Variants in CYP2J2 observed in about 807,000 individuals in gnomAD.
CYP2J2 encodes cytochrome P450 family 2 subfamily J member 2.
Under a neutral mutation model 48.8 loss-of-function variants are expected in CYP2J2, and 41 were observed. The ratio of observed to expected loss-of-function variants is 0.84; its 90% confidence interval spans 0.66 to 1.09. The LOEUF (loss-of-function observed/expected upper bound fraction) is 1.09. Ranked by LOEUF, CYP2J2 falls within the 50% of genes least tolerant of loss-of-function variation. The probability of loss-of-function intolerance (pLI) is 0.00; values close to 1 mark genes in which losing one functional copy is unlikely to be tolerated. For missense variants in CYP2J2, 644 were observed against 617.3 expected, an observed-to-expected ratio of 1.04 and a Z score of -0.46; for synonymous variants, 221 against 227.1, an observed-to-expected ratio of 0.97 and a Z score of 0.24.
At chr1:59,910,062 C>T (rs1341074247) in intron 4 of CYP2J2, 102 bp from the exon 5 acceptor site, 4 of 898,944 alleles carry the variant, frequency 4.4e-6, no homozygotes, top group Non-Finnish European at 6.8e-6. Flanking sequence ...TTTATTTGCT[C>T]ACACTTAAAC....
chr1:59,933,702 A>G, the CYP2J2 span, among the ~76,000 whole-genome samples: 1 of 152,294 alleles, frequency 6.6e-6, no homozygotes, highest in African/African-American at 2.4e-5. Context: ...TGTGCATTGA[A>G]AACTGCAAGA....
chr1:59,953,223 C>G, the CYP2J2 span, among the ~76,000 whole-genome samples: 1 of 152,138 alleles, frequency 6.6e-6, no homozygotes, highest in Admixed American at 6.6e-5. Flanking sequence ...AAGTCCTCAG[C>G]ACCTGTCTAA....
chr1:59,957,261 G>A, the CYP2J2 span, among the ~76,000 whole-genome samples: 1 of 151,480 alleles, frequency 6.6e-6, no homozygotes, highest in African/African-American at 2.4e-5. Flanking sequence ...CTGCAGAAGG[G>A]AAATGGCAGC....
In CYP2J2 at chr1:59,916,071, GC is replaced by G. The variant is rs1481873733; in HGVS notation, c.239del (p.Ser80ThrfsTer17). On this transcript the variant is annotated frameshift_variant, in exon 2 of 9. Coordinates refer to ENST00000371204, the MANE Select transcript of CYP2J2 (RefSeq NM_000775.4). LOFTEE classifies it high-confidence loss of function. ...CTGCAGATATGTCACCAAGCTCCAA[GC>G]TAAAAAGGTTCCCATATTTCTTCAC... is the stretch of plus-strand genomic sequence containing the variant. ...LFVKKYGNLF[S>X]LELGDISAVL... 3.7e-6 allele frequency: 6 copies of G among 1,610,668 alleles called. No homozygotes were observed. The highest frequency in any genetic ancestry group is 5.1e-6 in the Non-Finnish European group (6 of 1,178,894).
At chr1:59,894,107 G>A (rs1644248438) in intron 8 of CYP2J2, among the ~76,000 whole-genome samples, 2 of 152,110 alleles carry the variant, frequency 1.3e-5, no homozygotes, top group African/African-American at 4.8e-5. Flanking sequence ...AGAAGCGGAA[G>A]GCGTGGGCTG....
the CYP2J2 span, among the ~76,000 whole-genome samples, chr1:59,946,128 G>A: frequency 6.6e-6 from 1 of 152,102 alleles, no homozygotes; most frequent in Non-Finnish European, 1.5e-5. Flanking sequence ...CAAAGTAAAA[G>A]CCACCATCCT....
At position 59,911,675 on chromosome 1, in the gene CYP2J2, C is replaced by A. The variant is rs1328312377; in HGVS notation, c.617G>T (p.Ser206Ile). Residue 206 changes from serine to isoleucine, a missense_variant, in exon 4 of 9, where the codon AGT becomes ATT. By Grantham distance (142) the Ser-to-Ile change is moderately radical. Coordinates refer to ENST00000371204, the MANE Select transcript of CYP2J2 (RefSeq NM_000775.4). ...TFGERFEYQD[S>I]WFQQLLKLLD... is the part of the protein sequence containing the mutation. ...TAACTTCAGCAGCTGCTGAAACCAA[C>A]TATCCTGGTACTCAAAGCGTTCTCC... 2.5e-6 allele frequency: 4 copies of A among 1,613,638 alleles called. No homozygotes were observed. In the South Asian group the frequency reaches 3.3e-5, roughly 13 times the overall value.
intron 1 of CYP2J2, among the ~76,000 whole-genome samples, chr1:59,920,492 T>G (rs993688041): frequency 6.6e-6 from 1 of 152,004 alleles, no homozygotes; most frequent in African/African-American, 2.4e-5. Flanking sequence ...CAATAAAATA[T>G]TTGATGGGAG....
At chr1:59,930,688 A>T (rs1644598482), upstream of CYP2J2, among the ~76,000 whole-genome samples, 1 of 152,120 alleles carries the variant, frequency 6.6e-6, no homozygotes. Flanking sequence ...CTCCCTAAAA[A>T]AAAGTGTCAG....
At chr1:59,928,228 C>A (rs1644585114), upstream of CYP2J2, among the ~76,000 whole-genome samples, 1 of 152,118 alleles carries the variant, frequency 6.6e-6, no homozygotes, top group Non-Finnish European at 1.5e-5. Flanking sequence ...AGGGGAATGA[C>A]TTCCATAATG....
At chr1:59,899,240 A>G (rs1160669848) in intron 8 of CYP2J2, among the ~76,000 whole-genome samples, 1 of 152,262 alleles carries the variant, frequency 6.6e-6, no homozygotes, top group Non-Finnish European at 1.5e-5. Flanking sequence ...ACTTTGTGCT[A>G]TAATACAAAA....
intron 7 of CYP2J2, among the ~76,000 whole-genome samples, chr1:59,904,154 C>T (rs1243875607): frequency 6.6e-5 from 10 of 152,066 alleles, no homozygotes; most frequent in South Asian, 2.1e-4. Context: ...GGGTGGATCA[C>T]GAGGTCAAGA....
chr1:59,958,515 C>A, the CYP2J2 span, among the ~76,000 whole-genome samples: 1 of 134,906 alleles, frequency 7.4e-6, no homozygotes, highest in African/African-American at 3.3e-5. Context: ...GGCAGGGGTC[C>A]TTCTCATTGC....
At chr1:59,894,093 C>T (rs1233589278) in intron 8 of CYP2J2, among the ~76,000 whole-genome samples, 16 of 151,996 alleles carry the variant, frequency 1.1e-4, no homozygotes, top group Non-Finnish European at 7.4e-5. Context: ...GGGTGTAGGA[C>T]CATAGAAGCG....
upstream of CYP2J2, chr1:59,926,812 C>T (rs11572189): frequency 9.7e-5 from 138 of 1,417,928 alleles, 2 homozygotes; most frequent in African/African-American, 1.5e-3. Flanking sequence ...CGACGGTCCC[C>T]GCCCCGCCTC....
intron 2 of CYP2J2, among the ~76,000 whole-genome samples, chr1:59,913,460 T>C (rs1247333144): frequency 6.6e-6 from 1 of 152,188 alleles, no homozygotes; most frequent in East Asian, 1.9e-4. Context: ...GGCATATCCA[T>C]GATTGAACTC....
chr1:59,925,493 T>C (rs1405719337), intron 1 of CYP2J2, among the ~76,000 whole-genome samples: 1 of 152,156 alleles, frequency 6.6e-6, no homozygotes, highest in Non-Finnish European at 1.5e-5. Flanking sequence ...TTGACCACAA[T>C]GGAGTCAAAC....
chr1:59,894,163 T>C (rs1023022146), intron 8 of CYP2J2, among the ~76,000 whole-genome samples: 1 of 152,166 alleles, frequency 6.6e-6, no homozygotes. Flanking sequence ...AAAAATCATT[T>C]AACAAACGTG....
At chr1:59,941,583 T>A in the CYP2J2 span, among the ~76,000 whole-genome samples, 2 of 152,176 alleles carry the variant, frequency 1.3e-5, no homozygotes, top group African/African-American at 4.8e-5. Flanking sequence ...TCAGAAGGTA[T>A]TCCAGAAGAA....
Sources: gnomAD v4.1 joint callset for allele counts (sites outside exome capture counted in the v4.1 genomes callset) on GRCh38, gnomAD v4.1.1 for gene constraint, MANE v1.5 for transcripts, NCBI Gene and HGNC (gene_info 2026-07-23, HGNC 2026-07-21) for gene names.